The following XRN1 variants were observed in gnomAD, a reference collection of about 807,000 sequenced individuals.
The protein encoded by XRN1 is 5'-3' exoribonuclease 1.
XRN1 carries 67 observed loss-of-function variants against 222.3 expected under a neutral mutation model. That is an observed-to-expected ratio of 0.30 (90% CI 0.25 to 0.37). XRN1 has a LOEUF of 0.37. Ranked by LOEUF, XRN1 falls within the 10% of genes least tolerant of loss-of-function variation. The probability of loss-of-function intolerance (pLI) is 1.00; values close to 1 mark genes in which losing one functional copy is unlikely to be tolerated. For synonymous variants in XRN1, 643 were observed against 652.4 expected, an observed-to-expected ratio of 0.99 and a Z score of 0.22; for missense variants, 1,707 against 2,000.2, an observed-to-expected ratio of 0.85 and a Z score of 2.80.
At chr3:142,437,068 A>T (rs962669361) in intron 1 of XRN1, among the ~76,000 whole-genome samples, 4 of 152,236 alleles carry the variant, frequency 2.6e-5, no homozygotes, top group African/African-American at 4.8e-5. Flanking sequence ...AAGAAAGACA[A>T]AGAATAATTA....
intron 20 of XRN1, among the ~76,000 whole-genome samples, chr3:142,391,119 T>C (rs973743437): frequency 6.6e-6 from 1 of 152,162 alleles, no homozygotes; most frequent in Non-Finnish European, 1.5e-5. Flanking sequence ...TTTGAAATAT[T>C]GTGAGAATTA....
At chr3:142,368,562 G>C (rs914748112) in intron 27 of XRN1, among the ~76,000 whole-genome samples, 2 of 152,204 alleles carry the variant, frequency 1.3e-5, no homozygotes, top group Non-Finnish European at 2.9e-5. Context: ...AGAAAGCTCT[G>C]AATCCAAATG....
chr3:142,313,619 C>A (rs1290707760), intron 39 of XRN1, among the ~76,000 whole-genome samples: 1 of 152,152 alleles, frequency 6.6e-6, no homozygotes, highest in East Asian at 1.9e-4. Flanking sequence ...AATTAAAGTT[C>A]AGCTATTTAA....
chr3:142,376,702 G>T, intron 23 of XRN1, 108 bp from the exon 24 acceptor site: 1 of 792,852 alleles, frequency 1.3e-6, no homozygotes, highest in Admixed American at 2.9e-5. Context: ...CTAACCATTG[G>T]ATTGTGGCAA....
At chr3:142,360,097 A>C (rs555709830) in intron 29 of XRN1, among the ~76,000 whole-genome samples, 166 bp from the exon 30 acceptor site, 1 of 152,308 alleles carries the variant, frequency 6.6e-6, no homozygotes, top group East Asian at 1.9e-4. Flanking sequence ...AACATTATAT[A>C]AGCTAAGAAA....
At chr3:142,398,216 C>T (rs1269085943) in intron 19 of XRN1, among the ~76,000 whole-genome samples, 1 of 151,760 alleles carries the variant, frequency 6.6e-6, no homozygotes, top group Non-Finnish European at 1.5e-5. Flanking sequence ...GCACTTGGGG[C>T]GACAGAGCAA....
At chr3:142,362,022 G>A (rs1378186217) in intron 29 of XRN1, among the ~76,000 whole-genome samples, 36 of 132,382 alleles carry the variant, frequency 2.7e-4, no homozygotes, top group African/African-American at 9.9e-4. Flanking sequence ...AGGCTGGAGT[G>A]CAGTGGTGTG....
At chr3:142,326,143 G>A (rs1406327473) in intron 37 of XRN1, among the ~76,000 whole-genome samples, 1 of 151,570 alleles carries the variant, frequency 6.6e-6, no homozygotes, top group Admixed American at 6.6e-5. Context: ...TGCGGTTCAA[G>A]ATAAATTTTA....
intron 40 of XRN1, among the ~76,000 whole-genome samples, chr3:142,312,042 T>C (rs2065090896): frequency 6.6e-6 from 1 of 152,136 alleles, no homozygotes; most frequent in South Asian, 2.1e-4. Context: ...ATATCAGCAC[T>C]TTGGGAGGCC....
At chr3:142,425,170 T>C (rs1577416890) in intron 5 of XRN1, 52 bp downstream of exon 5, 6 of 1,270,230 alleles carry the variant, frequency 4.7e-6, no homozygotes, top group Non-Finnish European at 6.3e-6. Context: ...TGAAATCTCT[T>C]AGATATTTAA....
intron 32 of XRN1, among the ~76,000 whole-genome samples, chr3:142,350,142 T>A (rs1267618360): frequency 6.6e-6 from 1 of 152,086 alleles, no homozygotes; most frequent in Admixed American, 6.6e-5. Flanking sequence ...TAGACATTAG[T>A]TTGAGGAGTT....
chr3:142,333,437 C>CA (rs199970078), intron 34 of XRN1, among the ~76,000 whole-genome samples: 2,055 of 151,918 alleles, frequency 0.014, 61 homozygotes, highest in Admixed American at 0.083. Flanking sequence ...TAAATTGTTG[C>CA]AAAAAAATTT....
chr3:142,361,006 T>C (rs115707985), intron 29 of XRN1, among the ~76,000 whole-genome samples: 9 of 152,260 alleles, frequency 5.9e-5, no homozygotes, highest in African/African-American at 2.2e-4. Context: ...AAAGCCATGA[T>C]AAATAGGATA....
At chr3:142,422,354 A>G (rs924841155) in intron 8 of XRN1, among the ~76,000 whole-genome samples, 8 of 152,278 alleles carry the variant, frequency 5.3e-5, no homozygotes, top group African/African-American at 1.9e-4. Flanking sequence ...AAAAAAAGGC[A>G]AAGATTAGTT....
At chr3:142,432,282 CG>C (rs2069662707) in intron 2 of XRN1, among the ~76,000 whole-genome samples, 1 of 122,362 alleles carries the variant, frequency 8.2e-6, no homozygotes, top group South Asian at 2.4e-4. Context: ...TAGCTGGGTC[CG>C]GTGGCGCTTG....
In XRN1 at chr3:142,306,753, G is replaced by C. The variant is rs962227116; in HGVS notation, c.*4758C>G. The C allele has an allele frequency of 2.0e-5, 3 of 152,488 alleles. No individual in the cohort carries two copies. The highest frequency in any genetic ancestry group is 2.9e-5 in the Non-Finnish European group (2 of 68,022). 9.4% of individuals were successfully genotyped at this position (152,488 alleles called of 1,614,324 possible). ...TTCATGCTAGAAATCTACGGATAACGTAACACCACAAAAATACATTCGGAG... is the reference window on the plus strand; with the variant it reads ...TTCATGCTAGAAATCTACGGATAACCTAACACCACAAAAATACATTCGGAG... On this transcript the variant is annotated 3_prime_UTR_variant, in exon 41 of 41. Transcript: ENST00000392981.
chr3:142,431,855 A>AC (rs2069548474), intron 2 of XRN1, among the ~76,000 whole-genome samples: 1 of 37,636 alleles, frequency 2.7e-5, no homozygotes, highest in East Asian at 5.1e-4. Flanking sequence ...AAATATATAT[A>AC]TTATATATAA....
chr3:142,317,313 G>T (rs1424611268), intron 39 of XRN1, among the ~76,000 whole-genome samples: 1 of 152,074 alleles, frequency 6.6e-6, no homozygotes, highest in Non-Finnish European at 1.5e-5. Flanking sequence ...TAATAAGGTG[G>T]GAGCTGGATC....
At chr3:142,424,170 T>C (rs898719524) in intron 5 of XRN1, among the ~76,000 whole-genome samples, 1 of 152,174 alleles carries the variant, frequency 6.6e-6, no homozygotes, top group African/African-American at 2.4e-5. Context: ...CTTGGCTCAC[T>C]GCAACCTCCA....
Sources: allele counts gnomAD v4.1 joint callset (sites outside exome capture counted in the v4.1 genomes callset), GRCh38; gene constraint gnomAD v4.1.1; transcripts MANE v1.5; gene names NCBI Gene and HGNC (gene_info 2026-07-23, HGNC 2026-07-21).